The following PHACTR1 variants were observed in gnomAD, a reference collection of about 807,000 sequenced individuals.
PHACTR1 encodes phosphatase and actin regulator 1, also known as RPEL repeat containing 1.
In PHACTR1, 16 loss-of-function variants were observed where a neutral mutation model predicts 69.2. The observed-to-expected ratio is 0.23, with a 90% CI of 0.16 to 0.35. The LOEUF (loss-of-function observed/expected upper bound fraction) is 0.35, where lower values mean the gene tolerates loss of function less well. Among genes scored for constraint, PHACTR1 ranks in the 10% least tolerant of loss-of-function variants. The probability of loss-of-function intolerance (pLI) is 1.00; values close to 1 mark genes in which losing one functional copy is unlikely to be tolerated. For synonymous variants in PHACTR1, 312 were observed against 284.5 expected, an observed-to-expected ratio of 1.10 and a Z score of -0.97; for missense variants, 510 against 734.7, an observed-to-expected ratio of 0.69 and a Z score of 3.54.
chr6:12,916,515 G>A (rs1215854307), intron 4 of PHACTR1, among the ~76,000 whole-genome samples: 1 of 146,082 alleles, frequency 6.8e-6, no homozygotes, highest in Non-Finnish European at 1.5e-5. Flanking sequence ...CTTTGTCAGT[G>A]TTTATACACT....
At chr6:12,889,408 C>A (rs1383776248) in intron 4 of PHACTR1, among the ~76,000 whole-genome samples, 1 of 152,222 alleles carries the variant, frequency 6.6e-6, no homozygotes, top group Non-Finnish European at 1.5e-5. Flanking sequence ...AATGATTCAA[C>A]ATGTCCTAAT....
chr6:12,765,092 C>T (rs1000516064), intron 4 of PHACTR1, among the ~76,000 whole-genome samples: 8 of 152,050 alleles, frequency 5.3e-5, no homozygotes, highest in East Asian at 3.9e-4. Flanking sequence ...AAGTACCTGG[C>T]GTAGTCAATG....
chr6:13,266,253 C>G (rs1776684088), intron 10 of PHACTR1, among the ~76,000 whole-genome samples: 1 of 152,154 alleles, frequency 6.6e-6, no homozygotes, highest in African/African-American at 2.4e-5. Context: ...ATCACTGCCA[C>G]AGCCTCGCCC....
intron 7 of PHACTR1, among the ~76,000 whole-genome samples, chr6:13,201,515 C>T (rs4711936): frequency 0.21 from 31,276 of 152,078 alleles, 4,113 homozygotes; most frequent in Non-Finnish European, 0.28. Flanking sequence ...ATGGACCTCA[C>T]GCATGCCCAG....
At chr6:12,919,591 G>T (rs924549451) in intron 4 of PHACTR1, among the ~76,000 whole-genome samples, 1 of 152,218 alleles carries the variant, frequency 6.6e-6, no homozygotes, top group Non-Finnish European at 1.5e-5. Flanking sequence ...CCAAAACTTA[G>T]AATTAACTTT....
intron 6 of PHACTR1, among the ~76,000 whole-genome samples, chr6:13,181,955 C>A (rs1001348277): frequency 6.6e-6 from 1 of 152,010 alleles, no homozygotes; most frequent in Non-Finnish European, 1.5e-5. Context: ...AGAAAATGGC[C>A]GGGCGCGGTG....
intron 4 of PHACTR1, among the ~76,000 whole-genome samples, chr6:12,948,767 A>G (rs1790946184): frequency 6.6e-6 from 1 of 152,192 alleles, no homozygotes; most frequent in Non-Finnish European, 1.5e-5. Flanking sequence ...TCTACATTTC[A>G]TTCACATGCA....
At chr6:13,071,148 C>T (rs772106072) in intron 5 of PHACTR1, among the ~76,000 whole-genome samples, 6 of 152,072 alleles carry the variant, frequency 3.9e-5, no homozygotes, top group Non-Finnish European at 5.9e-5. Flanking sequence ...AAAGTTGTGC[C>T]GGGTGCAGTG....
At chr6:12,833,369 C>T (rs1471243891) in intron 4 of PHACTR1, among the ~76,000 whole-genome samples, 1 of 151,994 alleles carries the variant, frequency 6.6e-6, no homozygotes, top group Non-Finnish European at 1.5e-5. Flanking sequence ...CGCCATTCTC[C>T]TGCCTCATCC....
intron 5 of PHACTR1, among the ~76,000 whole-genome samples, chr6:13,097,400 C>T (rs1419119803): frequency 6.6e-6 from 1 of 152,096 alleles, no homozygotes; most frequent in Non-Finnish European, 1.5e-5. Context: ...TAAAGGAATG[C>T]TTGTATTCTA....
intron 4 of PHACTR1, among the ~76,000 whole-genome samples, chr6:13,015,287 A>G (rs1800016449): frequency 6.6e-6 from 1 of 152,224 alleles, no homozygotes; most frequent in Non-Finnish European, 1.5e-5. Flanking sequence ...AAACTGCAAG[A>G]GAGGTTGTGC....
intron 10 of PHACTR1, 163 bp from the exon 11 acceptor site, chr6:13,272,697 G>C: frequency 6.4e-7 from 1 of 1,557,256 alleles, no homozygotes; most frequent in Non-Finnish European, 8.7e-7. Flanking sequence ...TTGAAATTGA[G>C]GAACTGAGGA....
At chr6:12,831,960 G>A (rs1777628573) in intron 4 of PHACTR1, among the ~76,000 whole-genome samples, 1 of 152,006 alleles carries the variant, frequency 6.6e-6, no homozygotes, top group Non-Finnish European at 1.5e-5. Context: ...CAAAATTTTA[G>A]CCAGGCTTGA....
chr6:13,212,833 G>T (rs932068921), intron 8 of PHACTR1, among the ~76,000 whole-genome samples: 1 of 152,078 alleles, frequency 6.6e-6, no homozygotes, highest in African/African-American at 2.4e-5. Context: ...CACCTGCCTC[G>T]GGTCTCTACT....
chr6:13,211,164 G>C (rs1268003774), intron 8 of PHACTR1, among the ~76,000 whole-genome samples: 4 of 151,758 alleles, frequency 2.6e-5, no homozygotes, highest in Non-Finnish European at 5.9e-5. Context: ...GGTGGTTTTT[G>C]GTTACATGGA....
At chr6:12,883,105 T>C (rs952376358) in intron 4 of PHACTR1, among the ~76,000 whole-genome samples, 1 of 152,188 alleles carries the variant, frequency 6.6e-6, no homozygotes, top group Non-Finnish European at 1.5e-5. Flanking sequence ...GTCAGAGTTA[T>C]GGAGTTGGGA....
At chr6:12,733,355 T>C (rs1763809229) in intron 3 of PHACTR1, among the ~76,000 whole-genome samples, 1 of 152,206 alleles carries the variant, frequency 6.6e-6, no homozygotes, top group Non-Finnish European at 1.5e-5. Context: ...GCATATTTGT[T>C]TCATTTGAAA....
intron 4 of PHACTR1, among the ~76,000 whole-genome samples, chr6:12,887,105 T>C (rs1240924113): frequency 1.3e-5 from 2 of 152,142 alleles, no homozygotes; most frequent in Non-Finnish European, 2.9e-5. Context: ...CATGTGCTGT[T>C]CCACTCAGTT....
chr6:12,850,290 T>C (rs1440821688), intron 4 of PHACTR1, among the ~76,000 whole-genome samples: 2 of 152,238 alleles, frequency 1.3e-5, no homozygotes, highest in Non-Finnish European at 2.9e-5. Flanking sequence ...TCCTACCTCA[T>C]CTACATTCAC....
Sources: allele counts gnomAD v4.1 joint callset (sites outside exome capture counted in the v4.1 genomes callset), GRCh38; gene constraint gnomAD v4.1.1; transcripts MANE v1.5; gene names NCBI Gene and HGNC (gene_info 2026-07-23, HGNC 2026-07-21).